CCDC178: variants seen among roughly 807,000 people sequenced by gnomAD.
CCDC178 encodes the protein coiled-coil domain-containing protein 178.
A neutral mutation model predicts 117.4 loss-of-function variants in CCDC178; 126 were observed. The ratio of observed to expected loss-of-function variants is 1.07; its 90% confidence interval spans 0.93 to 1.24. The LOEUF (loss-of-function observed/expected upper bound fraction) is 1.24, where lower values mean the gene tolerates loss of function less well. CCDC178 is among the 50% of genes most tolerant of loss of function. The pLI is 0.00. For synonymous variants in CCDC178, 283 were observed against 313.4 expected (o/e 0.90, Z 1.02); for missense variants, 1,030 against 986.9 (o/e 1.04, Z -0.59).
chr18:32,980,453 C>T (rs2055127728), intron 21 of CCDC178, among the ~76,000 whole-genome samples: 1 of 151,510 alleles, frequency 6.6e-6, no homozygotes, highest in Non-Finnish European at 1.5e-5. Flanking sequence ...CGCCTGTAGT[C>T]CCAGCTACTC....
intron 20 of CCDC178, among the ~76,000 whole-genome samples, chr18:33,149,191 A>G (rs931599294): frequency 6.6e-6 from 1 of 152,174 alleles, no homozygotes; most frequent in Non-Finnish European, 1.5e-5. Flanking sequence ...CTATGGGAAA[A>G]ATCCACACAC....
chr18:33,308,224 T>TG (rs545593952), intron 11 of CCDC178, among the ~76,000 whole-genome samples: 133 of 152,340 alleles, frequency 8.7e-4, no homozygotes, highest in Non-Finnish European at 1.7e-3. Context: ...CCCAAGGCCA[T>TG]GGGAGGCCAC....
chr18:33,188,827 C>A (rs1304114999), intron 20 of CCDC178, among the ~76,000 whole-genome samples: 1 of 152,088 alleles, frequency 6.6e-6, no homozygotes, highest in African/African-American at 2.4e-5. Flanking sequence ...TTATTTTAAG[C>A]ATTTTAGTTT....
At chr18:32,994,515 T>G (rs2055462809) in intron 21 of CCDC178, among the ~76,000 whole-genome samples, 1 of 152,226 alleles carries the variant, frequency 6.6e-6, no homozygotes, top group African/African-American at 2.4e-5. Context: ...ACTTTGCCTT[T>G]GAAATGAAGA....
chr18:33,293,290 T>C lies in CCDC178; in HGVS notation c.1045A>G (p.Ser349Gly), dbSNP rs747456436. 5 of 1,520,380 alleles carry C rather than the reference T, an allele frequency of 3.3e-6. No individual in the cohort carries two copies. The highest frequency in any genetic ancestry group is 4.5e-6 in the Non-Finnish European group (5 of 1,103,640). The allele number at this position is 1,520,380 out of a possible 1,614,324, so 94.2% of individuals were successfully genotyped here. A position where few individuals can be genotyped will look rare whatever the true frequency, so the allele number is the denominator to read the frequency against. Reference protein sequence around the residue: ...AYKREIYQLNSLFDHYSSSVI... With the variant: ...AYKREIYQLNGLFDHYSSSVI... ...GATGAAGAGTAATGATCAAATAGAC[T>C]GTTAAGTTGATATATCTCTCTCCTA... is the stretch of plus-strand genomic sequence containing the variant. Residue 349 changes from serine (S) to glycine (G), a missense_variant, in exon 12 of 23, where the codon AGT becomes GGT. Ser to Gly is a moderately conservative substitution (Grantham distance 56). Coordinates refer to ENST00000383096, the MANE Select transcript of CCDC178 (RefSeq NM_001105528.4).
chr18:33,303,675 T>C (rs2062210349), intron 11 of CCDC178, among the ~76,000 whole-genome samples: 1 of 151,566 alleles, frequency 6.6e-6, no homozygotes, highest in Non-Finnish European at 1.5e-5. Context: ...AAAGTCTAGT[T>C]TTTAAAAAAA....
At chr18:33,420,972 T>C (rs1285516084) in intron 2 of CCDC178, among the ~76,000 whole-genome samples, 1 of 152,090 alleles carries the variant, frequency 6.6e-6, no homozygotes, top group African/African-American at 2.4e-5. Flanking sequence ...AATATAAACA[T>C]ATCATAACAT....
At chr18:33,393,195 A>G (rs2063584980) in intron 4 of CCDC178, among the ~76,000 whole-genome samples, 4 of 152,212 alleles carry the variant, frequency 2.6e-5, no homozygotes, top group South Asian at 4.1e-4. Context: ...AATATTTCAT[A>G]TGTATGCCTT....
At chr18:33,203,315 C>A (rs2059013868) in intron 20 of CCDC178, among the ~76,000 whole-genome samples, 1 of 152,090 alleles carries the variant, frequency 6.6e-6, no homozygotes, top group Non-Finnish European at 1.5e-5. Flanking sequence ...AATGAGTCAT[C>A]TGCCTTTTAA....
chr18:33,293,258 T>A lies in CCDC178; in HGVS notation c.1077A>T (p.Ile359=), dbSNP rs1391506350. The A allele has an allele frequency of 6.4e-7, 1 of 1,553,846 alleles. No homozygotes were observed. The highest frequency in any genetic ancestry group is 1.4e-5 in the African/African-American group (1 of 73,664). ...TCTCCTCAATATTAGTATTAACATT[T>A]ATCACTGATGAAGAGTAATGATCAA... The part of the protein sequence containing the change: ...SLFDHYSSSV[I]NVNTNIEEKE... The change falls in exon 12 of 23, where the codon ATA becomes ATT. Residue 359 remains isoleucine (I), a synonymous_variant. Transcript: ENST00000383096.
intron 4 of CCDC178, among the ~76,000 whole-genome samples, chr18:33,396,710 C>G (rs1194260134): frequency 6.6e-6 from 1 of 152,010 alleles, no homozygotes; most frequent in East Asian, 1.9e-4. Flanking sequence ...ACATATGGAA[C>G]ACTACAGTTA....
chr18:32,945,551 A>C (rs553622906), intron 22 of CCDC178, among the ~76,000 whole-genome samples: 1 of 152,320 alleles, frequency 6.6e-6, no homozygotes, highest in East Asian at 1.9e-4. Context: ...TTAAAAACTA[A>C]GGTGTTTCAG....
chr18:33,407,707 G>C (rs1399082967), intron 3 of CCDC178, among the ~76,000 whole-genome samples: 1 of 151,808 alleles, frequency 6.6e-6, no homozygotes, highest in African/African-American at 2.4e-5. Flanking sequence ...ATTTTTAAAA[G>C]AAAAAATTAT....
intron 22 of CCDC178, among the ~76,000 whole-genome samples, chr18:32,941,417 T>C (rs1000180346): frequency 1.3e-5 from 2 of 152,064 alleles, no homozygotes; most frequent in African/African-American, 2.4e-5. Context: ...AGGGAACAAT[T>C]GAACAGGAAA....
intron 21 of CCDC178, among the ~76,000 whole-genome samples, chr18:33,054,810 C>T (rs1047838559): frequency 9.9e-5 from 15 of 152,266 alleles, no homozygotes; most frequent in Admixed American, 6.5e-4. Context: ...CTGGATCAAA[C>T]GGTATTTCTA....
intron 9 of CCDC178, among the ~76,000 whole-genome samples, chr18:33,337,044 T>G (rs926730078): frequency 6.6e-6 from 1 of 152,096 alleles, no homozygotes; most frequent in Non-Finnish European, 1.5e-5. Context: ...GGGAGGTGTT[T>G]CCATTTGTTT....
intron 18 of CCDC178, among the ~76,000 whole-genome samples, chr18:33,217,778 T>C (rs2059183634): frequency 6.6e-6 from 1 of 152,062 alleles, no homozygotes; most frequent in Non-Finnish European, 1.5e-5. Context: ...TTTTAATTCA[T>C]TGTATGCAAA....
chr18:32,990,584 C>T (rs2055367729), intron 21 of CCDC178, among the ~76,000 whole-genome samples: 1 of 151,948 alleles, frequency 6.6e-6, no homozygotes, highest in Admixed American at 6.6e-5. Flanking sequence ...AACTAAATTC[C>T]ATATGTATTA....
intron 12 of CCDC178, among the ~76,000 whole-genome samples, chr18:33,292,723 C>T (rs975712142): frequency 4.6e-5 from 7 of 151,874 alleles, no homozygotes; most frequent in East Asian, 2.0e-4. Flanking sequence ...AAACAGAAAC[C>T]GAAGAAGTTT....
Sources: gnomAD v4.1 joint callset for allele counts (sites outside exome capture counted in the v4.1 genomes callset) on GRCh38, gnomAD v4.1.1 for gene constraint, MANE v1.5 for transcripts, NCBI Gene and HGNC (gene_info 2026-07-23, HGNC 2026-07-21) for gene names.